IMMP2L: variants seen among roughly 807,000 people sequenced by gnomAD.
The protein encoded by IMMP2L is inner mitochondrial membrane peptidase subunit 2, also known as mitochondrial inner membrane protease subunit 2.
In IMMP2L, 18 loss-of-function variants were observed where a neutral mutation model predicts 19.3. That is an observed-to-expected ratio of 0.93 (90% CI 0.64 to 1.38). The LOEUF is 1.38. IMMP2L is among the 40% of genes most tolerant of loss of function. The pLI is 0.00. For synonymous variants in IMMP2L, 76 were observed against 73.0 expected, an observed-to-expected ratio of 1.04 and a Z score of -0.21; for missense variants, 233 against 218.2, an observed-to-expected ratio of 1.07 and a Z score of -0.43.
intron 3 of IMMP2L, among the ~76,000 whole-genome samples, chr7:111,202,373 T>C (rs1319161358): frequency 6.6e-6 from 1 of 152,184 alleles, no homozygotes; most frequent in African/African-American, 2.4e-5. Flanking sequence ...CAAAAATAAC[T>C]GTACTCACGC....
intron 3 of IMMP2L, among the ~76,000 whole-genome samples, chr7:111,006,077 C>T (rs1182149228): frequency 6.6e-6 from 1 of 152,094 alleles, no homozygotes; most frequent in African/African-American, 2.4e-5. Context: ...GAGTCTGAGC[C>T]TAGAAGGCAT....
intron 3 of IMMP2L, among the ~76,000 whole-genome samples, chr7:111,450,359 A>G (rs1025740325): frequency 7.9e-5 from 12 of 152,200 alleles, no homozygotes; most frequent in Non-Finnish European, 1.6e-4. Context: ...GTACCAAAAC[A>G]GAGATATAGA....
intron 3 of IMMP2L, among the ~76,000 whole-genome samples, chr7:111,169,463 T>C (rs1806194058): frequency 6.6e-6 from 1 of 151,880 alleles, no homozygotes; most frequent in South Asian, 2.1e-4. Context: ...TGGGTTACAT[T>C]CAGGGTTGGT....
intron 5 of IMMP2L, among the ~76,000 whole-genome samples, chr7:110,789,050 T>A (rs544341618): frequency 6.6e-6 from 1 of 151,868 alleles, no homozygotes; most frequent in Non-Finnish European, 1.5e-5. Context: ...CTGGGGAAGC[T>A]GTGTGTAGGT....
chr7:110,721,919 C>A (rs1393354879), intron 5 of IMMP2L, among the ~76,000 whole-genome samples: 1 of 151,916 alleles, frequency 6.6e-6, no homozygotes, highest in Admixed American at 6.6e-5. Flanking sequence ...AAGTTGTAAA[C>A]AATCATAAGA....
chr7:111,010,270 T>A (rs1018600957), intron 3 of IMMP2L, among the ~76,000 whole-genome samples: 1 of 152,192 alleles, frequency 6.6e-6, no homozygotes, highest in African/African-American at 2.4e-5. Context: ...CATTAACAAA[T>A]GTTAAGAAAC....
intron 5 of IMMP2L, among the ~76,000 whole-genome samples, chr7:110,754,329 G>A (rs993950656): frequency 1.3e-5 from 2 of 151,998 alleles, no homozygotes. Flanking sequence ...TTTCATAGAT[G>A]ACCGGGGTTA....
intron 3 of IMMP2L, among the ~76,000 whole-genome samples, chr7:111,430,545 T>C (rs1416941886): frequency 6.6e-6 from 1 of 151,802 alleles, no homozygotes; most frequent in East Asian, 1.9e-4. Context: ...TTATTGTATT[T>C]CCTTGATTTA....
At chr7:110,856,991 T>C (rs560847006) in intron 5 of IMMP2L, among the ~76,000 whole-genome samples, 5 of 152,226 alleles carry the variant, frequency 3.3e-5, no homozygotes, top group African/African-American at 1.2e-4. Context: ...AATAGCACCA[T>C]GTAACAGGTC....
chr7:110,846,344 ATTTC>A (rs1277688201), intron 5 of IMMP2L, among the ~76,000 whole-genome samples: 3 of 120,956 alleles, frequency 2.5e-5, no homozygotes, highest in African/African-American at 9.6e-5. Flanking sequence ...TCCAACCCTG[ATTTC>A]TTTTTTTTTT....
chr7:110,702,824 T>C (rs1356103822), intron 5 of IMMP2L, among the ~76,000 whole-genome samples: 2 of 152,180 alleles, frequency 1.3e-5, no homozygotes, highest in Admixed American at 1.3e-4. Context: ...AATTCCTTAA[T>C]ATTTTCTACA....
chr7:111,286,627 G>A (rs186259478), intron 3 of IMMP2L, among the ~76,000 whole-genome samples: 46 of 152,178 alleles, frequency 3.0e-4, no homozygotes, highest in Admixed American at 1.1e-3. Context: ...TGTGGTCTCC[G>A]AGAAAAAACA....
At chr7:111,236,147 GT>G (rs997900630) in intron 3 of IMMP2L, among the ~76,000 whole-genome samples, 7 of 150,056 alleles carry the variant, frequency 4.7e-5, no homozygotes, top group African/African-American at 9.8e-5. Context: ...TCTCATTTGT[GT>G]TTTTTTTTAA....
chr7:111,052,691 A>G (rs1654243919), intron 3 of IMMP2L, among the ~76,000 whole-genome samples: 2 of 152,294 alleles, frequency 1.3e-5, no homozygotes, highest in South Asian at 4.2e-4. Context: ...GGCCACAGTC[A>G]CTCATATTTG....
chr7:110,674,930 C>T (rs1388845024), intron 5 of IMMP2L, among the ~76,000 whole-genome samples: 1 of 152,130 alleles, frequency 6.6e-6, no homozygotes, highest in African/African-American at 2.4e-5. Context: ...TTGTAAGACC[C>T]AATTCAGTCC....
At chr7:111,001,783 CTT>C (rs1276240125) in intron 3 of IMMP2L, among the ~76,000 whole-genome samples, 3 of 152,100 alleles carry the variant, frequency 2.0e-5, no homozygotes, top group African/African-American at 7.2e-5. Context: ...AGCTGGGACT[CTT>C]ATCAAAATAT....
chr7:111,308,747 T>A (rs115750786), intron 3 of IMMP2L, among the ~76,000 whole-genome samples: 1,619 of 152,124 alleles, frequency 0.011, 30 homozygotes, highest in African/African-American at 0.036. Flanking sequence ...GAAAAAAAGA[T>A]GTATTCTTCA....
Position 111,520,541 on chromosome 7 carries a change from G to A in IMMP2L, c.135+772C>T, listed in dbSNP as rs190814936. ...AAACAAAAAGAAAAAAAATTAAGCT[G>A]GTTATTCTCTGTATAATTTTGATTT... On this transcript the variant is annotated intron_variant, in intron 2 of 5. Transcript: ENST00000405709. 1.4e-3 allele frequency among the ~76,000 whole-genome samples: 216 copies of A among 151,932 alleles called. 2 individuals are homozygous for A. Among genetic ancestry groups the A allele is most frequent in the African/African-American group, 5.1e-3 (210 of 41,466 alleles).
chr7:111,511,759 C>T (rs1215615878), intron 2 of IMMP2L, among the ~76,000 whole-genome samples: 1 of 152,032 alleles, frequency 6.6e-6, no homozygotes, highest in African/African-American at 2.4e-5. Flanking sequence ...CATCCTAATC[C>T]AGTCAAACAT....
Sources: allele counts gnomAD v4.1 joint callset (sites outside exome capture counted in the v4.1 genomes callset), GRCh38; gene constraint gnomAD v4.1.1; transcripts MANE v1.5; gene names NCBI Gene and HGNC (gene_info 2026-07-23, HGNC 2026-07-21).